Variants in MYO1H observed in about 807,000 individuals in gnomAD.
The protein encoded by MYO1H is unconventional myosin-Ih.
MYO1H carries 118 observed loss-of-function variants against 149.3 expected under a neutral mutation model. That is an observed-to-expected ratio of 0.79 (90% CI 0.68 to 0.92). The LOEUF is 0.92. MYO1H is among the 40% of genes least tolerant of loss of function. The pLI is 0.00. For synonymous variants in MYO1H, 447 were observed against 465.2 expected (o/e 0.96, Z 0.50); for missense variants, 1,212 against 1,280.7 (o/e 0.95, Z 0.82).
At position 109,363,571 on chromosome 12, in the gene MYO1H, G is replaced by A. The variant is rs146933082; in HGVS notation, c.12+15599G>A. 6.0e-3 allele frequency among the ~76,000 whole-genome samples: 913 copies of A among 152,100 alleles called. 8 individuals carry two copies. The highest frequency in any genetic ancestry group is 0.02 in the South Asian group (94 of 4,814). ...CTACTAAAAATACAAAATTAGCTGC[G>A]TACGGTGGTGCATGCCTGTAATCCC... is the stretch of plus-strand genomic sequence containing the variant. On this transcript the variant is annotated intron_variant, in intron 1 of 31. Transcript: ENST00000310903.
At chr12:109,393,812 G>A (rs1230826235) in intron 3 of MYO1H, among the ~76,000 whole-genome samples, 1 of 152,176 alleles carries the variant, frequency 6.6e-6, no homozygotes, top group African/African-American at 2.4e-5. Context: ...ACTTTAGAGG[G>A]TCTTTATGGA....
At chr12:109,404,329 A>G (rs772936139) in intron 7 of MYO1H, among the ~76,000 whole-genome samples, 1 of 152,186 alleles carries the variant, frequency 6.6e-6, no homozygotes, top group Non-Finnish European at 1.5e-5. Context: ...AAAAAGTACA[A>G]AAATTAACCA....
chr12:109,394,740 T>G (rs7300290), intron 3 of MYO1H, among the ~76,000 whole-genome samples: 70,146 of 151,826 alleles, frequency 0.46, 16,958 homozygotes, highest in African/African-American at 0.6. Flanking sequence ...ACTTTCTAAG[T>G]CACTTATAAG....
At chr12:109,333,311 ACT>A in the MYO1H span, among the ~76,000 whole-genome samples, 1 of 151,412 alleles carries the variant, frequency 6.6e-6, no homozygotes, top group East Asian at 1.9e-4. Flanking sequence ...CAGGAGTGAA[ACT>A]CTGTCTCAAA....
At chr12:109,390,795 A>T (rs1044798203) in intron 2 of MYO1H, among the ~76,000 whole-genome samples, 21 of 151,854 alleles carry the variant, frequency 1.4e-4, no homozygotes, top group African/African-American at 4.6e-4. Flanking sequence ...CCTCCCAAGT[A>T]GCTGGGATTA....
the MYO1H span, among the ~76,000 whole-genome samples, chr12:109,335,118 A>T: frequency 3.3e-5 from 5 of 152,140 alleles, no homozygotes; most frequent in Non-Finnish European, 7.4e-5. Context: ...GCTGTATAAT[A>T]GTCTATTATA....
At chr12:109,328,195 A>C in the MYO1H span, among the ~76,000 whole-genome samples, 12 of 150,638 alleles carry the variant, frequency 8.0e-5, no homozygotes, top group African/African-American at 2.2e-4. Flanking sequence ...GATTTACCTT[A>C]GTTTTTTTAA....
Position 109,427,645 on chromosome 12 carries a change from CTG to C in MYO1H, c.1949+60_1949+61del. The C allele has an allele frequency of 2.4e-6, 3 of 1,240,124 alleles. No individual in the cohort carries two copies. The Admixed American group carries it at 5.1e-5, about 21-fold the overall frequency. The allele number at this position is 1,240,124 out of a possible 1,614,324, so 76.8% of individuals were successfully genotyped here. ...TCATGTGCCTACTACATGAGAATCT[CTG>C]GGGTTTAGTGGTAAATAAAATGGCA... On this transcript the variant is annotated intron_variant, in intron 19 of 31. Coordinates refer to ENST00000310903, the Ensembl canonical transcript of MYO1H.
chr12:109,412,335 T>C (rs1566033159), intron 14 of MYO1H, among the ~76,000 whole-genome samples: 1 of 152,166 alleles, frequency 6.6e-6, no homozygotes, highest in Non-Finnish European at 1.5e-5. Flanking sequence ...TTTTTATATT[T>C]TTTGTAAAGA....
chr12:109,426,015 A>G (rs1052971467), exon 18 of MYO1H: 1 of 1,613,732 alleles, frequency 6.2e-7, no homozygotes, highest in African/African-American at 1.3e-5. Context: ...GCCCTCCTAC[A>G]TCCGTTGCAT....
the MYO1H span, among the ~76,000 whole-genome samples, chr12:109,333,031 G>A: frequency 6.6e-6 from 1 of 151,904 alleles, no homozygotes; most frequent in Non-Finnish European, 1.5e-5. Flanking sequence ...AAAAAACAAT[G>A]TAAAAACGCC....
intron 1 of MYO1H, among the ~76,000 whole-genome samples, chr12:109,353,468 T>C (rs1868511489): frequency 6.6e-6 from 1 of 151,836 alleles, no homozygotes; most frequent in South Asian, 2.1e-4. Context: ...TGAATTTTGA[T>C]TCCTAAACTT....
At chr12:109,349,684 G>T (rs1455710771) in intron 1 of MYO1H, among the ~76,000 whole-genome samples, 1 of 151,256 alleles carries the variant, frequency 6.6e-6, no homozygotes, top group Non-Finnish European at 1.5e-5. Flanking sequence ...AAAGAGGCCG[G>T]GTGCGGTGGC....
intron 4 of MYO1H, among the ~76,000 whole-genome samples, chr12:109,397,307 T>C (rs1262028955): frequency 6.6e-6 from 1 of 152,184 alleles, no homozygotes; most frequent in African/African-American, 2.4e-5. Context: ...CATTTTCTCC[T>C]GTGTTTTTGT....
At chr12:109,388,513 A>G (rs1350012515) in intron 1 of MYO1H, among the ~76,000 whole-genome samples, 170 bp from the exon 2 acceptor site, 1 of 152,188 alleles carries the variant, frequency 6.6e-6, no homozygotes, top group Non-Finnish European at 1.5e-5. Flanking sequence ...ATTTTTTATG[A>G]TTATGATCTT....
the MYO1H span, among the ~76,000 whole-genome samples, chr12:109,332,944 C>T: frequency 6.6e-6 from 1 of 152,132 alleles, no homozygotes; most frequent in Non-Finnish European, 1.5e-5. Context: ...AATTTGGTGC[C>T]AGGTTTTATA....
chr12:109,381,825 T>TAA (rs142820283), intron 1 of MYO1H, among the ~76,000 whole-genome samples: 1 of 151,418 alleles, frequency 6.6e-6, no homozygotes, highest in Non-Finnish European at 1.5e-5. Flanking sequence ...GACTCTGTCT[T>TAA]AAAAAAAAAG....
intron 19 of MYO1H, among the ~76,000 whole-genome samples, chr12:109,429,560 C>T (rs910373635): frequency 5.9e-5 from 9 of 152,112 alleles, no homozygotes; most frequent in South Asian, 2.1e-4. Flanking sequence ...GGAAGATGTA[C>T]TCAGGTTATA....
the MYO1H span, among the ~76,000 whole-genome samples, chr12:109,318,985 T>TTTTTTTTTTA: frequency 6.8e-6 from 1 of 146,326 alleles, no homozygotes; most frequent in African/African-American, 2.5e-5. Context: ...TTTTTTTTTT[T>TTTTTTTTTTA]TTTTTTTTTG....
Sources: allele counts gnomAD v4.1 joint callset (sites outside exome capture counted in the v4.1 genomes callset), GRCh38; gene constraint gnomAD v4.1.1; transcripts MANE v1.5; gene names NCBI Gene and HGNC (gene_info 2026-07-23, HGNC 2026-07-21).